The following NOD1 variants were observed in gnomAD, a reference collection of about 807,000 sequenced individuals.
NOD1 encodes the protein nucleotide binding oligomerization domain containing 1.
A neutral mutation model predicts 81.2 loss-of-function variants in NOD1; 70 were observed. That is an observed-to-expected ratio of 0.86 (90% confidence interval 0.71 to 1.05). The LOEUF is 1.05. Among genes scored for constraint, NOD1 ranks in the 50% least tolerant of loss-of-function variants. The probability of loss-of-function intolerance (pLI) is 0.00; values close to 1 mark genes in which losing one functional copy is unlikely to be tolerated. For synonymous variants in NOD1, 508 were observed against 526.9 expected, an observed-to-expected ratio of 0.96 and a Z score of 0.49; for missense variants, 1,233 against 1,228.0, an observed-to-expected ratio of 1.00 and a Z score of -0.06.
intron 1 of NOD1, chr7:30,469,366 GGAATCACCTCT>G (rs1453924205): frequency 6.5e-6 from 3 of 458,822 alleles, no homozygotes; most frequent in African/African-American, 6.4e-5. Context: ...AGTCCCTCCC[GGAATCACCTCT>G]CTCTCTCCCG....
intron 1 of NOD1, chr7:30,460,593 G>T: frequency 1.0e-6 from 1 of 985,384 alleles, no homozygotes; most frequent in Non-Finnish European, 1.2e-6. Context: ...AGGACACACC[G>T]CAGAACAAAA....
chr7:30,472,059 A>T (rs932360992), intron 1 of NOD1, among the ~76,000 whole-genome samples: 3 of 152,256 alleles, frequency 2.0e-5, no homozygotes, highest in Non-Finnish European at 4.4e-5. Flanking sequence ...ATAGCTTAAG[A>T]AGTAGAGATT....
chr7:30,430,988 C>T (rs1286681544), intron 12 of NOD1, among the ~76,000 whole-genome samples: 1 of 152,240 alleles, frequency 6.6e-6, no homozygotes, highest in Admixed American at 6.5e-5. Flanking sequence ...TTCTAGTCAC[C>T]ACTTAGGCTT....
intron 1 of NOD1, among the ~76,000 whole-genome samples, chr7:30,468,573 C>A (rs970222102): frequency 6.6e-6 from 1 of 152,142 alleles, no homozygotes; most frequent in Admixed American, 6.5e-5. Context: ...CCATCCTGGA[C>A]AATAGGAATA....
chr7:30,429,516 C>T lies in NOD1; in HGVS notation c.2706-59G>A, dbSNP rs144396294. ...AATACTGGATCAAATTTGACCCCTT[C>T]GTAAGGGAGTTGCAAGGGTGTTTTG... is the stretch of plus-strand genomic sequence containing the variant. On this transcript the variant is annotated intron_variant, in intron 12 of 13. Coordinates refer to ENST00000222823, the MANE Select transcript of NOD1 (RefSeq NM_006092.4). 4.6e-4 allele frequency: 668 copies of T among 1,459,464 alleles called. No homozygotes were observed. The East Asian group carries it at 7.3e-3, about 16-fold the overall frequency. 90.4% of individuals were successfully genotyped at this position (1,459,464 alleles called of 1,614,324 possible). A position where few individuals can be genotyped will look rare whatever the true frequency, so the allele number is the denominator to read the frequency against.
intron 1 of NOD1, among the ~76,000 whole-genome samples, chr7:30,475,331 CA>C (rs1178484508): frequency 6.6e-6 from 1 of 152,180 alleles, no homozygotes; most frequent in East Asian, 1.9e-4. Flanking sequence ...CAAATGTAAT[CA>C]AGGTGAATGT....
At position 30,425,695 on chromosome 7, in the gene NOD1, C is replaced by A; in HGVS notation, c.2805G>T (p.Leu935=). ...AGACTTTGGCCTCCTCTGGTTTTATCAGGTTTCCATTTAGGCTGTTGAAAA... is the reference window on the plus strand; with the variant it reads ...AGACTTTGGCCTCCTCTGGTTTTATAAGGTTTCCATTTAGGCTGTTGAAAA... ...GITEICLNGN[L]IKPEEAKVYE... The change falls in exon 14 of 14, where the codon CTG becomes CTT. Residue 935 remains leucine, a synonymous_variant. Transcript: ENST00000222823. 3.7e-6 allele frequency: 6 copies of A among 1,613,448 alleles called. No homozygotes were observed. In the South Asian group the frequency reaches 6.6e-5, roughly 18 times the overall value.
Position 30,446,088 on chromosome 7 carries a change from C to T in NOD1, c.2453+53G>A, listed in dbSNP as rs574550730. 172 of 1,307,068 alleles carry T rather than the reference C, an allele frequency of 1.3e-4. 5 individuals are homozygous for T. In the South Asian group the frequency reaches 2.0e-3, roughly 15 times the overall value. 81.0% of individuals were successfully genotyped at this position (1,307,068 alleles called of 1,614,324 possible). A position where few individuals can be genotyped will look rare whatever the true frequency, so the allele number is the denominator to read the frequency against. ...TGTATGAAAAGAACAGCAAGGCCCG[C>T]CCCCCACACACACAGCAGGTTGTAC... On this transcript the variant is annotated intron_variant, in intron 9 of 13. Transcript: ENST00000222823.
In NOD1 at chr7:30,451,133, C is replaced by T; in HGVS notation, c.2201+83G>A. On this transcript the variant is annotated intron_variant, in intron 6 of 13. Transcript: ENST00000222823. The surrounding 1 kb of genome is among the most constrained non-coding windows in gnomAD (Gnocchi z 4.2). The stretch of plus-strand genomic sequence containing the variant: ...GCCATGGTCATGAGTCCTGGGGGAT[C>T]CTGGTCCATGATGCCATTCCCGATG... The T allele has an allele frequency of 6.8e-7, 1 of 1,463,534 alleles. No individual in the cohort carries two copies. Among genetic ancestry groups the T allele is most frequent in the Non-Finnish European group, 9.2e-7 (1 of 1,083,504 alleles). 90.7% of individuals were successfully genotyped at this position (1,463,534 alleles called of 1,614,324 possible). A position where few individuals can be genotyped will look rare whatever the true frequency, so the allele number is the denominator to read the frequency against.
intron 7 of NOD1, 56 bp from the exon 8 acceptor site, chr7:30,447,106 C>T (rs1166908166): frequency 1.9e-6 from 3 of 1,612,344 alleles, no homozygotes; most frequent in Non-Finnish European, 2.5e-6. Context: ...ATTTTAATAG[C>T]CCCTGTTTTT....
In NOD1 at chr7:30,467,756, C is replaced by T. The variant is rs536314919; in HGVS notation, c.-351-7715G>A. On this transcript the variant is annotated intron_variant, in intron 1 of 13. Coordinates refer to ENST00000222823, the MANE Select transcript of NOD1 (RefSeq NM_006092.4). The surrounding 1 kb of genome is among the most constrained non-coding windows in gnomAD (Gnocchi z 4.5). ...CACTCTTGTCACCCAGGCTGGAGTG[C>T]GATGGCGTGATCTTGGCTCACTGCA... Among the ~76,000 whole-genome samples the T allele has an allele frequency of 2.0e-5, 3 of 152,262 alleles. No individual in the cohort carries two copies. Among genetic ancestry groups the T allele is most frequent in the South Asian group, 2.1e-4 (1 of 4,828 alleles).
At chr7:30,470,583 T>C (rs575051479) in intron 1 of NOD1, among the ~76,000 whole-genome samples, 2 of 152,364 alleles carry the variant, frequency 1.3e-5, no homozygotes, top group Admixed American at 6.5e-5. Context: ...CCATCACCAA[T>C]AGTTTCTGTT....
intron 10 of NOD1, among the ~76,000 whole-genome samples, chr7:30,436,849 T>C (rs1784422344): frequency 6.6e-6 from 1 of 152,164 alleles, no homozygotes. Flanking sequence ...AGAAATACCA[T>C]TTGACCCAGC....
intron 1 of NOD1, among the ~76,000 whole-genome samples, chr7:30,462,426 G>GTTTT (rs530513096): frequency 1.1e-4 from 15 of 136,344 alleles, no homozygotes; most frequent in Admixed American, 6.5e-4. Flanking sequence ...GTTCTGATGG[G>GTTTT]TTTTTTTTTT....
At chr7:30,439,398 C>T (rs1301332159) in intron 9 of NOD1, among the ~76,000 whole-genome samples, 12 of 139,334 alleles carry the variant, frequency 8.6e-5, no homozygotes, top group East Asian at 2.1e-4. Context: ...AGTGTGTGCG[C>T]GCACCGTGCG....
intron 9 of NOD1, among the ~76,000 whole-genome samples, chr7:30,445,277 C>CAAAAAA (rs1554306107): frequency 1.8e-5 from 1 of 54,120 alleles, no homozygotes; most frequent in East Asian, 5.5e-4. Context: ...AAAAAAGAAT[C>CAAAAAA]TAAAAAAAAA....
At chr7:30,453,111 G>T in intron 5 of NOD1, 71 bp from the exon 6 acceptor site, 1 of 1,507,860 alleles carries the variant, frequency 6.6e-7, no homozygotes, top group Non-Finnish European at 8.9e-7. Flanking sequence ...AAACAGGGAG[G>T]TCTCAAAGAG....
At chr7:30,465,105 A>G (rs200943217) in intron 1 of NOD1, among the ~76,000 whole-genome samples, 9 of 105,744 alleles carry the variant, frequency 8.5e-5, no homozygotes, top group Non-Finnish European at 2.0e-4. Flanking sequence ...AGAGAGAGAC[A>G]GGGGGGTGCC....
In NOD1 at chr7:30,467,182, T is replaced by C. The variant is rs941662939; in HGVS notation, c.-351-7141A>G. Among the ~76,000 whole-genome samples the C allele has an allele frequency of 6.6e-6, 1 of 152,190 alleles. No individual in the cohort carries two copies. The highest frequency in any genetic ancestry group is 2.1e-4 in the South Asian group (1 of 4,836). Reference sequence around the variant, plus strand: ...ATTTATATGGCTTGCCCACATCCCCTGCCCTCCAAATACACAAAGCACTCC... The same window carrying C: ...ATTTATATGGCTTGCCCACATCCCCCGCCCTCCAAATACACAAAGCACTCC... On this transcript the variant is annotated intron_variant, in intron 1 of 13. Coordinates refer to ENST00000222823, the MANE Select transcript of NOD1 (RefSeq NM_006092.4). This position sits in a 1 kb window ranked among gnomAD's most constrained non-coding sequence, Gnocchi z 4.5.
Sources: gnomAD v4.1 joint callset for allele counts (sites outside exome capture counted in the v4.1 genomes callset) on GRCh38, gnomAD v4.1.1 for gene constraint, Gnocchi (gnomAD v3.1) non-coding constraint, MANE v1.5 for transcripts, NCBI Gene and HGNC (gene_info 2026-07-23, HGNC 2026-07-21) for gene names.